The following DMD variants were observed in gnomAD, a reference collection of about 807,000 sequenced individuals.
The protein encoded by DMD is dystrophin, also known as mutant dystrophin.
DMD carries 63 observed loss-of-function variants against 330.1 expected under a neutral mutation model. The observed-to-expected ratio is 0.19, with a 90% CI of 0.16 to 0.24. The LOEUF (loss-of-function observed/expected upper bound fraction) is 0.24, where lower values mean the gene tolerates loss of function less well. Among genes scored for constraint, DMD ranks in the 10% least tolerant of loss-of-function variants. The probability of loss-of-function intolerance (pLI) is 1.00; values close to 1 mark genes in which losing one functional copy is unlikely to be tolerated. For synonymous variants in DMD, 1,223 were observed against 959.8 expected (o/e 1.27, Z -5.07); for missense variants, 3,344 against 2,684.1 (o/e 1.25, Z -5.43).
intron 43 of DMD, among the ~76,000 whole-genome samples, chrX:32,284,297 T>C (rs920231010): frequency 3.8e-4 from 43 of 111,881 alleles, no homozygotes; most frequent in Non-Finnish European, 1.5e-4. Flanking sequence ...GATAGCTTCA[T>C]TCCATTCCCC....
At chrX:31,397,110 A>G (rs974417563) in intron 60 of DMD, among the ~76,000 whole-genome samples, 4 of 112,175 alleles carry the variant, frequency 3.6e-5, no homozygotes, top group African/African-American at 1.3e-4. Flanking sequence ...CTTTATTTGC[A>G]ACATTTAGAT....
At chrX:32,738,243 C>G (rs1445643558) in intron 7 of DMD, among the ~76,000 whole-genome samples, 5 of 111,642 alleles carry the variant, frequency 4.5e-5, no homozygotes, top group Non-Finnish European at 9.4e-5. Context: ...GGATGATGGA[C>G]TTTACCTAAG....
chrX:31,701,509 G>A (rs1455265256), intron 52 of DMD, among the ~76,000 whole-genome samples: 1 of 111,588 alleles, frequency 9.0e-6, no homozygotes, highest in African/African-American at 3.3e-5. Context: ...TTCCCTCGCT[G>A]TACTCAATGT....
At chrX:31,520,945 C>T (rs2072692781) in intron 55 of DMD, among the ~76,000 whole-genome samples, 1 of 111,279 alleles carries the variant, frequency 9.0e-6, no homozygotes, top group Admixed American at 9.6e-5. Flanking sequence ...TCCCAAAGTG[C>T]TGGGATTACA....
chrX:32,522,399 G>A (rs1481447370), intron 17 of DMD, among the ~76,000 whole-genome samples: 5 of 111,375 alleles, frequency 4.5e-5, no homozygotes, highest in Non-Finnish European at 9.4e-5. Flanking sequence ...TAGATTGGGG[G>A]TACATGTGAT....
At chrX:31,853,104 G>A (rs933758008) in intron 48 of DMD, among the ~76,000 whole-genome samples, 15 of 112,367 alleles carry the variant, frequency 1.3e-4, no homozygotes, top group Admixed American at 2.8e-4. Flanking sequence ...GGCTCGTCTC[G>A]AACTCCTGGC....
chrX:32,177,238 C>T (rs1250609400), intron 44 of DMD, among the ~76,000 whole-genome samples: 1 of 112,004 alleles, frequency 8.9e-6, no homozygotes, highest in South Asian at 3.7e-4. Flanking sequence ...ATTCTCCACA[C>T]TTCAGCGAAA....
chrX:31,191,167 A>G (rs1259023711), intron 67 of DMD, among the ~76,000 whole-genome samples: 1 of 105,925 alleles, frequency 9.4e-6, no homozygotes, highest in East Asian at 3.0e-4. Flanking sequence ...AGCAAGGTAA[A>G]GCAGGTCTGC....
intron 2 of DMD, among the ~76,000 whole-genome samples, chrX:32,875,048 T>C (rs2083275590): frequency 8.9e-6 from 1 of 112,034 alleles, no homozygotes; most frequent in African/African-American, 3.2e-5. Flanking sequence ...CAAAATCAGA[T>C]AAAAAGATAA....
At chrX:33,122,307 C>G (rs1287335845) in intron 1 of DMD, among the ~76,000 whole-genome samples, 1 of 112,672 alleles carries the variant, frequency 8.9e-6, no homozygotes, top group African/African-American at 3.2e-5. Flanking sequence ...TTGGCACTGT[C>G]TACATTAATG....
intron 54 of DMD, among the ~76,000 whole-genome samples, chrX:31,646,392 G>T (rs139667947): frequency 1.8e-5 from 2 of 111,172 alleles, no homozygotes; most frequent in African/African-American, 6.5e-5. Flanking sequence ...ATTTTAATAT[G>T]CATAGAAATA....
At chrX:31,133,997 T>TA in intron 77 of DMD, 105 bp downstream of exon 77, 1 of 687,885 alleles carries the variant, frequency 1.5e-6, no homozygotes, top group South Asian at 2.3e-5. Flanking sequence ...GCCATTCTGA[T>TA]ACTGCGTGTT....
intron 17 of DMD, among the ~76,000 whole-genome samples, chrX:32,541,119 A>G (rs753501979): frequency 3.6e-5 from 4 of 111,906 alleles, no homozygotes; most frequent in Non-Finnish European, 5.6e-5. Flanking sequence ...AGTAGAAGAA[A>G]AATTCACAGA....
At chrX:33,235,423 A>AGAT (rs766753440) in intron 1 of DMD, among the ~76,000 whole-genome samples, 1 of 112,097 alleles carries the variant, frequency 8.9e-6, no homozygotes, top group South Asian at 3.7e-4. Flanking sequence ...ATTGATTCTG[A>AGAT]GATGACATTT....
chrX:31,974,152 A>G (rs1481657654), intron 44 of DMD, among the ~76,000 whole-genome samples: 1 of 112,172 alleles, frequency 8.9e-6, no homozygotes, highest in African/African-American at 3.2e-5. Flanking sequence ...TAAGCAAATT[A>G]ACGCAGGAAC....
chrX:33,172,226 C>T (rs868210613), intron 1 of DMD, among the ~76,000 whole-genome samples: 1 of 110,968 alleles, frequency 9.0e-6, no homozygotes, highest in Non-Finnish European at 1.9e-5. Context: ...CATAATTCCC[C>T]GCCATACTTT....
intron 37 of DMD, among the ~76,000 whole-genome samples, chrX:32,351,893 A>C (rs1343422770): frequency 9.0e-6 from 1 of 110,866 alleles, no homozygotes; most frequent in Non-Finnish European, 1.9e-5. Flanking sequence ...ACTACCAAAA[A>C]CTGAAGTGCT....
intron 53 of DMD, among the ~76,000 whole-genome samples, chrX:31,660,478 T>C (rs2081062147): frequency 8.9e-6 from 1 of 112,111 alleles, no homozygotes; most frequent in Admixed American, 9.5e-5. Context: ...TGGCCCTTAG[T>C]ATCCAGAGGG....
intron 62 of DMD, among the ~76,000 whole-genome samples, chrX:31,304,340 CTAAT>C (rs952375723): frequency 9.0e-6 from 1 of 111,118 alleles, no homozygotes; most frequent in South Asian, 3.7e-4. Flanking sequence ...CACAAACACA[CTAAT>C]TAATCTCTGC....
Sources: allele counts gnomAD v4.1 joint callset (sites outside exome capture counted in the v4.1 genomes callset), GRCh38; gene constraint gnomAD v4.1.1; transcripts MANE v1.5; gene names NCBI Gene and HGNC (gene_info 2026-07-23, HGNC 2026-07-21).